SPDYE1: variants seen among roughly 807,000 people sequenced by gnomAD.
SPDYE1 encodes the protein speedy protein E1.
A neutral mutation model predicts 45.9 loss-of-function variants in SPDYE1; 29 were observed. The observed-to-expected ratio is 0.63, with a 90% CI of 0.47 to 0.86. The LOEUF (loss-of-function observed/expected upper bound fraction) is 0.86, where lower values mean the gene tolerates loss of function less well. SPDYE1 is among the 40% of genes least tolerant of loss of function. The pLI is 0.00. For missense variants in SPDYE1, 346 were observed against 481.4 expected (o/e 0.72, Z 2.63); for synonymous variants, 134 against 176.8 (o/e 0.76, Z 1.92).
intron 3 of SPDYE1, among the ~76,000 whole-genome samples, 164 bp downstream of exon 3, chr7:44,001,448 T>C (rs531192305): frequency 6.4e-4 from 98 of 152,182 alleles, no homozygotes; most frequent in African/African-American, 2.1e-3. Context: ...TAGGAGACAA[T>C]AGAGGACTAG....
Position 43,997,970 on chromosome 7 carries a change from C to T in SPDYE1, c.-423+11C>T. Among the ~76,000 whole-genome samples, 1 of 152,146 alleles carries T rather than the reference C, an allele frequency of 6.6e-6. No individual in the cohort carries two copies. Among genetic ancestry groups the T allele is most frequent in the Non-Finnish European group, 1.5e-5 (1 of 68,042 alleles). ...GGAGGGGAAATGCAGGTGACTCAGC[C>T]CCTATTCCTCCATCAAACCAGGCTT... On this transcript the variant is annotated intron_variant, in intron 1 of 8. Coordinates refer to ENST00000693451, the MANE Select transcript of SPDYE1 (RefSeq NM_001378423.2).
intron 8 of SPDYE1, among the ~76,000 whole-genome samples, chr7:44,008,024 G>A (rs1300566456): frequency 6.6e-6 from 1 of 152,246 alleles, no homozygotes; most frequent in South Asian, 2.1e-4. Flanking sequence ...AGCCTGGAAG[G>A]TCGGGGCTGC....
intron 8 of SPDYE1, among the ~76,000 whole-genome samples, 158 bp from the exon 9 acceptor site, chr7:44,008,509 G>A (rs373343795): frequency 0.025 from 3,879 of 152,226 alleles, 119 homozygotes; most frequent in Middle Eastern, 0.092. Context: ...TTTCACAGTT[G>A]AACACGATGG....
At position 44,004,381 on chromosome 7, in the gene SPDYE1, G is replaced by A. The variant is rs554425386; in HGVS notation, c.666+470G>A. ...TGGCACCCACAAATTTTTTTTTTGTGAGACAGAATCTAGCTCTGCTCCCCA... is the reference window on the plus strand; with the variant it reads ...TGGCACCCACAAATTTTTTTTTTGTAAGACAGAATCTAGCTCTGCTCCCCA... On this transcript the variant is annotated intron_variant, in intron 5 of 8. Transcript: ENST00000693451. 277 of 252,532 alleles carry A rather than the reference G, an allele frequency of 1.1e-3. 1 individual carries two copies. Among genetic ancestry groups the A allele is most frequent in the African/African-American group, 6.0e-3 (259 of 43,184 alleles). 15.6% of individuals were successfully genotyped at this position (252,532 alleles called of 1,614,324 possible). A position where few individuals can be genotyped will look rare whatever the true frequency, so the allele number is the denominator to read the frequency against.
In SPDYE1 at chr7:44,007,695, G is replaced by A. The variant is rs1163442459; in HGVS notation, c.1072-14G>A. On this transcript the variant is annotated splice_polypyrimidine_tract_variant and intron_variant, in intron 7 of 8. Coordinates refer to ENST00000693451, the MANE Select transcript of SPDYE1 (RefSeq NM_001378423.2). ...GCGAGTCCCCGTCTTCTCAAAGGGCGTTTGTTTTTCCAGATCCAGGCTTAT... is the reference window on the plus strand; with the variant it reads ...GCGAGTCCCCGTCTTCTCAAAGGGCATTTGTTTTTCCAGATCCAGGCTTAT... 5.6e-6 allele frequency: 9 copies of A among 1,609,880 alleles called. No homozygotes were observed. Among genetic ancestry groups the A allele is most frequent in the African/African-American group, 4.0e-5 (3 of 74,744 alleles).
In SPDYE1 at chr7:44,002,784, C is replaced by T; in HGVS notation, c.574C>T (p.Pro192Ser). 1 of 1,546,918 alleles carries T rather than the reference C, an allele frequency of 6.5e-7. No homozygotes were observed. Among genetic ancestry groups the T allele is most frequent in the Non-Finnish European group, 8.6e-7 (1 of 1,158,966 alleles). Residue 192 changes from proline (P) to serine (S), a missense_variant, in exon 4 of 9, where the codon CCT becomes TCT. Physicochemically the swap from Pro to Ser is moderately conservative, Grantham distance 74. Around this residue, in one of 4 missense-constraint regions of SPDYE1, gnomAD observed 141 missense variants for 176.7 expected, o/e 0.80. Coordinates refer to ENST00000693451, the MANE Select transcript of SPDYE1 (RefSeq NM_001378423.2). ...GCGACGGCGAGTGTCGCTCGTGCTC[C>T]CTGAGCACCACGAGGCCTTCAACAG... ...LKRRRVSLVLPEHHEAFNRLL... is the reference protein window; with the variant it reads ...LKRRRVSLVLSEHHEAFNRLL...
At chr7:44,001,665 G>A (rs1044180921) in intron 3 of SPDYE1, among the ~76,000 whole-genome samples, 4 of 152,010 alleles carry the variant, frequency 2.6e-5, no homozygotes, top group Non-Finnish European at 5.9e-5. Context: ...AAAGAAAAAC[G>A]AAGGCCGGGT....
In SPDYE1 at chr7:44,001,173, C is replaced by A; in HGVS notation, c.268C>A (p.Pro90Thr). 4 of 1,598,272 alleles carry A rather than the reference C, an allele frequency of 2.5e-6. No homozygotes were observed. Among genetic ancestry groups the A allele is most frequent in the Non-Finnish European group, 8.5e-7 (1 of 1,179,862 alleles). ...GCCGGAGAAGGAGCTCGCCCCTGAGCCTGAGGAGACCTGGGTAGTGGAGAC... is the reference window on the plus strand; with the variant it reads ...GCCGGAGAAGGAGCTCGCCCCTGAGACTGAGGAGACCTGGGTAGTGGAGAC... Reference protein sequence around the residue: ...EEPEKELAPEPEETWVVETLC... With the variant: ...EEPEKELAPETEETWVVETLC... The change falls in exon 3 of 9, where the codon CCT becomes ACT. Residue 90 changes from proline to threonine, a missense_variant. By Grantham distance (38) the Pro-to-Thr change is conservative (BLOSUM62 -1). Transcript: ENST00000693451.
chr7:44,007,127 T>G, intron 6 of SPDYE1, 141 bp from the exon 7 acceptor site: 2 of 1,561,274 alleles, frequency 1.3e-6, no homozygotes, highest in Non-Finnish European at 1.7e-6. Flanking sequence ...AGAGCCCTCC[T>G]GAGGAAGGCA....
chr7:44,006,521 G>A (rs1034630616), intron 6 of SPDYE1, among the ~76,000 whole-genome samples: 6 of 150,604 alleles, frequency 4.0e-5, no homozygotes, highest in Admixed American at 6.6e-5. Context: ...ATAGCTCACC[G>A]CAGCCTCCAT....
chr7:44,000,468 G>T (rs2096061370), intron 2 of SPDYE1, among the ~76,000 whole-genome samples: 1 of 150,354 alleles, frequency 6.7e-6, no homozygotes, highest in Non-Finnish European at 1.5e-5. Context: ...CGGTCAGGAA[G>T]GAGAACCTGA....
chr7:44,008,037 G>A lies in SPDYE1; in HGVS notation c.*45+224G>A, dbSNP rs188022119. Among the ~76,000 whole-genome samples, 686 of 152,370 alleles carry A rather than the reference G, an allele frequency of 4.5e-3. 4 individuals are homozygous for A. The highest frequency in any genetic ancestry group is 0.015 in the African/African-American group (628 of 41,586). ...GGAGCCTGGAAGGTCGGGGCTGCAC[G>A]GAGCCCTGATCCTGCCACTGCACTC... On this transcript the variant is annotated intron_variant, in intron 8 of 8. Transcript: ENST00000693451.
rs1371315944 is a variant in SPDYE1, at chr7:44,002,782, TC to T, written c.575del (p.Pro192LeufsTer26). ...AAGCGACGGCGAGTGTCGCTCGTGC[TC>T]CCTGAGCACCACGAGGCCTTCAACA... ...KLKRRRVSLV[L>X]PEHHEAFNRL... On this transcript the variant is annotated frameshift_variant, in exon 4 of 9. Coordinates refer to ENST00000693451, the MANE Select transcript of SPDYE1 (RefSeq NM_001378423.2). LOFTEE classifies it high-confidence loss of function. 6.5e-7 allele frequency: 1 copy of T among 1,549,916 alleles called. No homozygotes were observed. Among genetic ancestry groups the T allele is most frequent in the African/African-American group, 1.5e-5 (1 of 65,472 alleles).
At chr7:44,004,615 CCT>C (rs1338657085) in intron 5 of SPDYE1, 1 of 193,432 alleles carries the variant, frequency 5.2e-6, no homozygotes, top group Non-Finnish European at 1.1e-5. Context: ...CCTGTCTCCA[CCT>C]CTCAAAAAGT....
chr7:44,000,222 CGG>C (rs1374636926), intron 2 of SPDYE1, 113 bp downstream of exon 2: 1 of 982,534 alleles, frequency 1.0e-6, no homozygotes, highest in Non-Finnish European at 1.2e-6. Flanking sequence ...CCGAGGCGGG[CGG>C]ATCATCTGAG....
chr7:44,008,565 T>A, intron 8 of SPDYE1, 102 bp from the exon 9 acceptor site: 1 of 1,157,178 alleles, frequency 8.6e-7, no homozygotes, highest in South Asian at 1.7e-5. Context: ...AAAATTGCAT[T>A]TCTCAATTGC....
At chr7:44,006,994 T>C (rs2096072128) in intron 6 of SPDYE1, among the ~76,000 whole-genome samples, 1 of 152,236 alleles carries the variant, frequency 6.6e-6, no homozygotes, top group Admixed American at 6.5e-5. Flanking sequence ...CAAGTGATCC[T>C]CCTGCTTTGG....
In SPDYE1 at chr7:44,007,293, G is replaced by A. The variant is rs1170646293; in HGVS notation, c.778G>A (p.Asp260Asn). ...ALYLANDMEE[D>N]DEDSKQNIFH... is the part of the protein sequence containing the mutation. ...CTACCTGGCCAATGACATGGAGGAGGACGACGAGGACTCCAAACAAAACAT... is the reference window on the plus strand; with the variant it reads ...CTACCTGGCCAATGACATGGAGGAGAACGACGAGGACTCCAAACAAAACAT... The change falls in exon 7 of 9, where the codon GAC (aspartate) becomes AAC (asparagine). Residue 260 changes from aspartate to asparagine, a missense_variant. Physicochemically the swap from Asp to Asn is conservative, Grantham distance 23. This residue lies in a region of SPDYE1 where 186 missense variants were observed against 219.1 expected (regional missense o/e 0.85). Transcript: ENST00000693451. 6.2e-7 allele frequency: 1 copy of A among 1,612,648 alleles called. No homozygotes were observed. The highest frequency in any genetic ancestry group is 2.2e-5 in the East Asian group (1 of 44,902).
At chr7:44,001,883 T>C (rs2096063578) in intron 3 of SPDYE1, among the ~76,000 whole-genome samples, 1 of 151,424 alleles carries the variant, frequency 6.6e-6, no homozygotes, top group Admixed American at 6.6e-5. Context: ...GAGGTTGTTT[T>C]GAGCCAAGAT....
Sources: allele counts gnomAD v4.1 joint callset (sites outside exome capture counted in the v4.1 genomes callset), GRCh38; gene constraint gnomAD v4.1.1; regional missense constraint gnomAD v4.1.1; transcripts MANE v1.5; gene names NCBI Gene and HGNC (gene_info 2026-07-23, HGNC 2026-07-21).